The following THSD7B variants were observed in gnomAD, a reference collection of about 807,000 sequenced individuals.
THSD7B encodes the protein thrombospondin type 1 domain containing 7B.
THSD7B carries 138 observed loss-of-function variants against 213.6 expected under a neutral mutation model. The ratio of observed to expected loss-of-function variants is 0.65; its 90% CI spans 0.56 to 0.74. The LOEUF is 0.74. Among genes scored for constraint, THSD7B ranks in the 30% least tolerant of loss-of-function variants. The pLI, the probability that THSD7B is intolerant of heterozygous loss-of-function variation, is 0.00. For missense variants in THSD7B, 1,931 were observed against 1,991.5 expected (o/e 0.97, Z 0.58); for synonymous variants, 742 against 687.0 (o/e 1.08, Z -1.25).
intron 8 of THSD7B, among the ~76,000 whole-genome samples, chr2:137,232,522 CTTCGAGGTCATAGACTA>C (rs1486854853): frequency 6.6e-6 from 1 of 152,074 alleles, no homozygotes; most frequent in Non-Finnish European, 1.5e-5. Context: ...ACTAATATCA[CTTCGAGGTCATAGACTA>C]TTCTAACTGG....
chr2:137,094,794 T>C (rs1326538309), intron 3 of THSD7B, 79 bp from the exon 4 acceptor site: 2 of 1,502,380 alleles, frequency 1.3e-6, no homozygotes, highest in Non-Finnish European at 1.8e-6. Context: ...AGAGTTTTTT[T>C]TCTCATGGTA....
chr2:137,658,844 A>G (rs979856139), intron 24 of THSD7B, among the ~76,000 whole-genome samples: 2 of 152,224 alleles, frequency 1.3e-5, no homozygotes, highest in Admixed American at 6.5e-5. Context: ...ACTATAAACT[A>G]TAATGGGTTG....
intron 16 of THSD7B, among the ~76,000 whole-genome samples, chr2:137,570,016 A>C (rs1553460829): frequency 2.0e-5 from 3 of 151,348 alleles, no homozygotes. Flanking sequence ...TTTTTTTTTA[A>C]GTTTGTCCAG....
intron 4 of THSD7B, 58 bp from the exon 5 acceptor site, chr2:137,115,066 C>T: frequency 6.3e-7 from 1 of 1,599,164 alleles, no homozygotes; most frequent in Non-Finnish European, 8.5e-7. Flanking sequence ...AAGTTTTCCT[C>T]AGAGTTGTAT....
At chr2:137,103,084 G>A (rs1189117987) in intron 4 of THSD7B, among the ~76,000 whole-genome samples, 3 of 152,156 alleles carry the variant, frequency 2.0e-5, no homozygotes, top group Admixed American at 1.3e-4. Flanking sequence ...ACACAAAATC[G>A]TCGGATTCAC....
Position 137,584,866 on chromosome 2 carries a change from G to T in THSD7B, c.3423+12310G>T, listed in dbSNP as rs182327273. 7.7e-3 allele frequency among the ~76,000 whole-genome samples: 1,173 copies of T among 152,256 alleles called. 11 individuals are homozygous for T. Among genetic ancestry groups the T allele is most frequent in the African/African-American group, 0.026 (1,100 of 41,538 alleles). On this transcript the variant is annotated intron_variant, in intron 17 of 27. Coordinates refer to ENST00000409968, the MANE Select transcript of THSD7B (RefSeq NM_001316349.2). The stretch of plus-strand genomic sequence containing the variant: ...CTGGCCTCATAAAATGAGTTAGCGA[G>T]GATTCCCTCTTTTTCTATTGATTGG...
Position 137,231,083 on chromosome 2 carries a change from C to G in THSD7B, c.1763C>G (p.Pro588Arg), listed in dbSNP as rs1190373812. 4 of 1,613,620 alleles carry G rather than the reference C, an allele frequency of 2.5e-6. No individual in the cohort carries two copies. Among genetic ancestry groups the G allele is most frequent in the Admixed American group, 3.3e-5 (2 of 59,970 alleles). Residue 588 changes from proline (P) to arginine (R), a missense_variant, in exon 8 of 28, where the codon CCT becomes CGT. By Grantham distance (103) the Pro-to-Arg change is moderately radical. Coordinates refer to ENST00000409968, the MANE Select transcript of THSD7B (RefSeq NM_001316349.2). ...GGGAGTCTTTGCCCAGTTCCCCCTC[C>G]TCCTGAGAGGAAGTCTTGTGAAATT... ...VSGSLCPVPP[P>R]PERKSCEIPC... is the part of the protein sequence containing the mutation.
rs1317833228 is a variant in THSD7B at position 137,522,081 on chromosome 2, G to A, written c.3139-41140G>A. On this transcript the variant is annotated intron_variant, in intron 15 of 27. Transcript: ENST00000409968. Reference sequence around the variant, plus strand: ...ACCCTTTCTTCTGAACTCAGCCTGAGAACTGCATGGGCTAGGCTGTCTTTT... The same window carrying A: ...ACCCTTTCTTCTGAACTCAGCCTGAAAACTGCATGGGCTAGGCTGTCTTTT... 3.3e-5 allele frequency among the ~76,000 whole-genome samples: 5 copies of A among 152,176 alleles called. No individual in the cohort carries two copies. In the East Asian group the frequency reaches 9.6e-4, roughly 29 times the overall value.
chr2:137,070,774 C>A (rs914040762), intron 3 of THSD7B, among the ~76,000 whole-genome samples: 1 of 151,882 alleles, frequency 6.6e-6, no homozygotes, highest in Admixed American at 6.6e-5. Flanking sequence ...CATGTGTTCT[C>A]ATTGTTCAAT....
chr2:136,907,322 C>T (rs1336726626), intron 2 of THSD7B, among the ~76,000 whole-genome samples: 2 of 151,886 alleles, frequency 1.3e-5, no homozygotes, highest in African/African-American at 4.8e-5. Flanking sequence ...TTAAAATGGG[C>T]AGAAAGAGAA....
intron 2 of THSD7B, among the ~76,000 whole-genome samples, chr2:136,994,304 C>T (rs1001282219): frequency 2.0e-5 from 3 of 152,188 alleles, no homozygotes; most frequent in Admixed American, 6.5e-5. Context: ...CGGTGGCTCA[C>T]GCCTGTAATC....
chr2:136,807,924 C>G (rs1363231473), intron 1 of THSD7B, among the ~76,000 whole-genome samples: 2 of 152,162 alleles, frequency 1.3e-5, no homozygotes, highest in African/African-American at 4.8e-5. Context: ...ACTGGATATG[C>G]TCTTTGTTAC....
chr2:137,516,275 A>G (rs887401255), intron 15 of THSD7B, among the ~76,000 whole-genome samples: 4 of 152,172 alleles, frequency 2.6e-5, no homozygotes, highest in Non-Finnish European at 4.4e-5. Context: ...AGGTCAAAAG[A>G]CTAATTTGAA....
chr2:137,371,329 G>C (rs374112282), intron 12 of THSD7B, among the ~76,000 whole-genome samples: 1 of 152,052 alleles, frequency 6.6e-6, no homozygotes, highest in African/African-American at 2.4e-5. Flanking sequence ...TTTTTATTCC[G>C]TTCTCACACT....
intron 13 of THSD7B, among the ~76,000 whole-genome samples, chr2:137,406,488 T>C (rs1686522221): frequency 2.0e-5 from 3 of 152,226 alleles, no homozygotes; most frequent in Admixed American, 1.3e-4. Context: ...TATGTGTTTG[T>C]ATAAGCAGAA....
In THSD7B at chr2:136,818,238, TC is replaced by T. The variant is rs573418872; in HGVS notation, c.-36+52553del. ...AGCCATAAAAAATGATGAGTTCATG[TC>T]CTTTGTAGGGACATGGATGAAATTG... On this transcript the variant is annotated intron_variant, in intron 1 of 27. Transcript: ENST00000409968. Among the ~76,000 whole-genome samples, 920 of 147,400 alleles carry T rather than the reference TC, an allele frequency of 6.2e-3. 14 individuals carry two copies. Among genetic ancestry groups the T allele is most frequent in the African/African-American group, 0.021 (851 of 39,794 alleles).
At chr2:137,469,607 A>C (rs1688054963) in intron 15 of THSD7B, among the ~76,000 whole-genome samples, 1 of 152,152 alleles carries the variant, frequency 6.6e-6, no homozygotes, top group Non-Finnish European at 1.5e-5. Flanking sequence ...AGAAACTATC[A>C]CAGCTGGGGG....
At chr2:137,435,372 T>C (rs1050425614) in intron 14 of THSD7B, among the ~76,000 whole-genome samples, 2 of 152,220 alleles carry the variant, frequency 1.3e-5, no homozygotes, top group Non-Finnish European at 2.9e-5. Flanking sequence ...CCAGTCTTGA[T>C]AGAGTTTCAT....
At chr2:137,419,292 C>A (rs772969664) in intron 14 of THSD7B, among the ~76,000 whole-genome samples, 1 of 151,374 alleles carries the variant, frequency 6.6e-6, no homozygotes, top group Non-Finnish European at 1.5e-5. Context: ...GTCTGCCAGG[C>A]TGTGCCTGGC....
Sources: gnomAD v4.1 joint callset for allele counts (sites outside exome capture counted in the v4.1 genomes callset) on GRCh38, gnomAD v4.1.1 for gene constraint, MANE v1.5 for transcripts, NCBI Gene and HGNC (gene_info 2026-07-23, HGNC 2026-07-21) for gene names.